Variants in TMEM183A observed in about 807,000 individuals in gnomAD.
TMEM183A encodes transmembrane protein 183A.
TMEM183A carries 21 observed loss-of-function variants against 46.7 expected under a neutral mutation model. That is an observed-to-expected ratio of 0.45 (90% CI 0.32 to 0.65). TMEM183A has a LOEUF of 0.65. Among genes scored for constraint, TMEM183A ranks in the 30% least tolerant of loss-of-function variants. The pLI is 0.04. For missense variants in TMEM183A, 331 were observed against 481.9 expected (o/e 0.69, Z 2.93); for synonymous variants, 165 against 180.2 (o/e 0.92, Z 0.68).
At chr1:203,011,336 T>C (rs1292839224) in intron 3 of TMEM183A, among the ~76,000 whole-genome samples, 1 of 152,208 alleles carries the variant, frequency 6.6e-6, no homozygotes, top group Non-Finnish European at 1.5e-5. Context: ...TATCTCCTTG[T>C]GGTTTTGATT....
intron 5 of TMEM183A, 143 bp downstream of exon 5, chr1:203,016,283 G>C: frequency 8.4e-7 from 1 of 1,194,696 alleles, no homozygotes; most frequent in Admixed American, 2.2e-5. Flanking sequence ...AGGGCTCAGA[G>C]ATTTCACTTC....
In TMEM183A at chr1:203,024,739, C is replaced by T. The variant is rs549604441; in HGVS notation, c.*1699C>T. The T allele has an allele frequency of 1.2e-4, 18 of 152,252 alleles. No individual in the cohort carries two copies. The highest frequency in any genetic ancestry group is 4.1e-4 in the African/African-American group (17 of 41,542). 9.4% of individuals were successfully genotyped at this position (152,252 alleles called of 1,614,324 possible). A position where few individuals can be genotyped will look rare whatever the true frequency, so the allele number is the denominator to read the frequency against. On this transcript the variant is annotated 3_prime_UTR_variant, in exon 8 of 8. Coordinates refer to ENST00000367242, the MANE Select transcript of TMEM183A (RefSeq NM_138391.6). Reference sequence around the variant, plus strand: ...AGGAGGGGAGAAGCACAGTCCCTGCCAGGTTGCCTGAACTAAAGATGCCAT... The same window carrying T: ...AGGAGGGGAGAAGCACAGTCCCTGCTAGGTTGCCTGAACTAAAGATGCCAT...
chr1:203,017,752 T>C (rs1170675238), intron 5 of TMEM183A: 3 of 985,772 alleles, frequency 3.0e-6, no homozygotes, highest in Non-Finnish European at 3.6e-6. Flanking sequence ...CTCTCTCTTT[T>C]CAGTAGCATA....
chr1:203,021,024 G>GCA, intron 7 of TMEM183A, 76 bp downstream of exon 7: 9 of 1,105,428 alleles, frequency 8.1e-6, no homozygotes, highest in Non-Finnish European at 1.0e-5. Context: ...GTGAACCGCA[G>GCA]CTCTTTTTTT....
chr1:203,010,827 C>G (rs535198831), intron 3 of TMEM183A, among the ~76,000 whole-genome samples: 1 of 152,250 alleles, frequency 6.6e-6, no homozygotes, highest in African/African-American at 2.4e-5. Flanking sequence ...AAAAAGAAAC[C>G]CCATACTTAT....
intron 3 of TMEM183A, among the ~76,000 whole-genome samples, chr1:203,012,204 A>C (rs1656699421): frequency 1.1e-5 from 1 of 91,440 alleles, no homozygotes; most frequent in Non-Finnish European, 2.2e-5. Context: ...TGAAACGGCC[A>C]TTTTTACTTC....
rs1657062274 is a variant in TMEM183A at position 203,015,269 on chromosome 1, G to C, written c.527+221G>C. The stretch of plus-strand genomic sequence containing the variant: ...TGTGGTTGCCTCCTTCCCCACTCCA[G>C]TATCCACTTTCAGCAAAACGTCTTG... On this transcript the variant is annotated intron_variant, in intron 4 of 7. Coordinates refer to ENST00000367242, the MANE Select transcript of TMEM183A (RefSeq NM_138391.6). The C allele has an allele frequency of 2.8e-5, 17 of 618,042 alleles. No homozygotes were observed. The South Asian group carries it at 3.9e-4, about 14-fold the overall frequency. 38.3% of individuals were successfully genotyped at this position (618,042 alleles called of 1,614,324 possible). A position where few individuals can be genotyped will look rare whatever the true frequency, so the allele number is the denominator to read the frequency against.
At chr1:203,022,029 A>G (rs1318448960) in intron 7 of TMEM183A, among the ~76,000 whole-genome samples, 2 of 151,958 alleles carry the variant, frequency 1.3e-5, no homozygotes, top group African/African-American at 4.8e-5. Context: ...CTCTCTCTCA[A>G]ATAATTTTGT....
chr1:203,009,626 T>C (rs1053049733), intron 3 of TMEM183A, among the ~76,000 whole-genome samples: 3 of 152,098 alleles, frequency 2.0e-5, no homozygotes, highest in African/African-American at 7.2e-5. Flanking sequence ...GGACTACAGG[T>C]GCTATGCCAT....
At position 203,023,072 on chromosome 1, in the gene TMEM183A, G is replaced by A. The variant is rs1348606590; in HGVS notation, c.*32G>A. ...CTTCCCATCCCTTGGGGGCAGCCTC[G>A]AGTGTAGTCCATTAGTAATCAGATT... On this transcript the variant is annotated 3_prime_UTR_variant, in exon 8 of 8. Coordinates refer to ENST00000367242, the MANE Select transcript of TMEM183A (RefSeq NM_138391.6). 4.6e-6 allele frequency: 6 copies of A among 1,302,484 alleles called. No homozygotes were observed. The highest frequency in any genetic ancestry group is 4.2e-5 in the South Asian group (3 of 71,520). The allele number at this position is 1,302,484 out of a possible 1,614,324, so 80.7% of individuals were successfully genotyped here.
rs890248449 is a variant in TMEM183A, at chr1:203,013,750, C to T, written c.368-1139C>T. On this transcript the variant is annotated intron_variant, in intron 3 of 7. Transcript: ENST00000367242. This position sits in a 1 kb window ranked among gnomAD's most constrained non-coding sequence, Gnocchi z 4.0. ...GGTTGCTCTCGATCTCCTGACCTCG[C>T]GATTCGCCCACCTCGGCCTCCCAAA... Among the ~76,000 whole-genome samples the T allele has an allele frequency of 9.9e-5, 15 of 151,824 alleles. No homozygotes were observed. The highest frequency in any genetic ancestry group is 8.5e-4 in the Admixed American group (13 of 15,242).
chr1:203,014,197 G>A (rs982788802), intron 3 of TMEM183A, among the ~76,000 whole-genome samples: 7 of 152,254 alleles, frequency 4.6e-5, no homozygotes, highest in Non-Finnish European at 1.0e-4. Context: ...CCTTGACTGA[G>A]TGGCAAGGTT....
chr1:203,009,490 T>G (rs966625369), intron 3 of TMEM183A, among the ~76,000 whole-genome samples: 1 of 152,218 alleles, frequency 6.6e-6, no homozygotes, highest in Non-Finnish European at 1.5e-5. Context: ...TTTTATTTAT[T>G]TATTTTTTTG....
chr1:203,014,804 C>A, intron 3 of TMEM183A, 85 bp from the exon 4 acceptor site: 1 of 1,537,788 alleles, frequency 6.5e-7, no homozygotes, highest in South Asian at 1.2e-5. Flanking sequence ...CTTAACTGTG[C>A]AATCAATCCT....
At chr1:203,015,816 G>A (rs1440127396) in intron 4 of TMEM183A, 144 bp from the exon 5 acceptor site, 1 of 1,043,804 alleles carries the variant, frequency 9.6e-7, no homozygotes, top group East Asian at 2.6e-5. Flanking sequence ...GTCGCCAAGA[G>A]GTCAAGTAGC....
At chr1:203,015,185 C>T in intron 4 of TMEM183A, 137 bp downstream of exon 4, 1 of 1,185,726 alleles carries the variant, frequency 8.4e-7, no homozygotes, top group Non-Finnish European at 1.2e-6. Context: ...CTTTGGACTC[C>T]TTGAGCCCCT....
chr1:203,012,124 C>G lies in TMEM183A; in HGVS notation c.368-2765C>G, dbSNP rs186740649. On this transcript the variant is annotated intron_variant, in intron 3 of 7. Coordinates refer to ENST00000367242, the MANE Select transcript of TMEM183A (RefSeq NM_138391.6). The stretch of plus-strand genomic sequence containing the variant: ...TGCTGTCAACTCACGGCCATTTTTA[C>G]TTCAACCATTACCCCCCACTCCATC... 9.6e-5 allele frequency among the ~76,000 whole-genome samples: 14 copies of G among 145,942 alleles called. No homozygotes were observed. In the East Asian group the frequency reaches 2.8e-3, roughly 30 times the overall value.
chr1:203,015,934 G>A (rs1310808392), intron 4 of TMEM183A, 26 bp from the exon 5 acceptor site: 2 of 1,608,024 alleles, frequency 1.2e-6, no homozygotes, highest in Non-Finnish European at 1.7e-6. Context: ...GTCACATATT[G>A]GTAGGAGTAA....
Position 203,007,797 on chromosome 1 carries a change from T to C in TMEM183A, c.133T>C (p.Ser45Pro), listed in dbSNP as rs1311191823. ...GRVTVADYAN[S>P]DPAVVRSGRV... ...AGTGACCGTGGCGGATTACGCCAAC[T>C]CGGATCCGGCGGTCGTGAGGTCTGG... The change falls in exon 2 of 8, where the codon TCG (serine) becomes CCG (proline). Residue 45 changes from serine (S) to proline (P), a missense_variant. Coordinates refer to ENST00000367242, the MANE Select transcript of TMEM183A (RefSeq NM_138391.6). The C allele has an allele frequency of 6.2e-7, 1 of 1,613,846 alleles. No individual in the cohort carries two copies. Among genetic ancestry groups the C allele is most frequent in the Non-Finnish European group, 8.5e-7 (1 of 1,179,868 alleles).
Sources: allele counts gnomAD v4.1 joint callset (sites outside exome capture counted in the v4.1 genomes callset), GRCh38; gene constraint gnomAD v4.1.1; non-coding constraint Gnocchi (gnomAD v3.1); transcripts MANE v1.5; gene names NCBI Gene and HGNC (gene_info 2026-07-23, HGNC 2026-07-21).